Variants in CD33 observed in about 807,000 individuals in gnomAD.
The protein encoded by CD33 is myeloid cell surface antigen CD33.
A neutral mutation model predicts 31.4 loss-of-function variants in CD33; 25 were observed. The observed-to-expected ratio is 0.80, with a 90% CI of 0.58 to 1.11. CD33 has a LOEUF of 1.11. Ranked by LOEUF, CD33 falls within the 50% of genes most tolerant of loss-of-function variation. The pLI, the probability that CD33 is intolerant of heterozygous loss-of-function variation, is 0.00. For synonymous variants in CD33, 176 were observed against 180.6 expected (o/e 0.97, Z 0.20); for missense variants, 407 against 448.1 (o/e 0.91, Z 0.83).
In CD33 at chr19:51,235,590, A is replaced by G; in HGVS notation, c.843-5A>G. ...AGGCTCAAAGACCCTGGTGTCTCCC[A>G]TCAGAGTGAAGACCCACAGGAGGAA... On this transcript the variant is annotated splice_polypyrimidine_tract_variant and splice_region_variant and intron_variant, in intron 5 of 6. Transcript: ENST00000262262. 6.2e-7 allele frequency: 1 copy of G among 1,613,086 alleles called. No individual in the cohort carries two copies. Among genetic ancestry groups the G allele is most frequent in the African/African-American group, 1.3e-5 (1 of 75,004 alleles).
chr19:51,219,439 C>G, the CD33 span, among the ~76,000 whole-genome samples: 1 of 152,134 alleles, frequency 6.6e-6, no homozygotes. Flanking sequence ...TTAGAGTTTT[C>G]TAGATTTAAG....
At chr19:51,221,502 G>A (rs1340093467), upstream of CD33, among the ~76,000 whole-genome samples, 1 of 152,176 alleles carries the variant, frequency 6.6e-6, no homozygotes, top group Non-Finnish European at 1.5e-5. Flanking sequence ...AATATCAAAT[G>A]TTAACAAGGA....
intron 4 of CD33, among the ~76,000 whole-genome samples, chr19:51,233,303 C>T (rs996151814): frequency 1.3e-5 from 2 of 152,220 alleles, no homozygotes; most frequent in African/African-American, 4.8e-5. Context: ...GTTTGGCCAA[C>T]TCAATTGTGT....
At chr19:51,220,275 G>C (rs1031333268), upstream of CD33, among the ~76,000 whole-genome samples, 1 of 152,184 alleles carries the variant, frequency 6.6e-6, no homozygotes, top group African/African-American at 2.4e-5. Context: ...ATTTCCTCCA[G>C]GAAAAGTTCC....
rs749481913 is a variant in CD33 at position 51,225,803 on chromosome 19, A to C, written c.419A>C (p.Asp140Ala). The C allele has an allele frequency of 3.1e-6, 5 of 1,613,004 alleles. No individual in the cohort carries two copies. In the African/African-American group the frequency reaches 4.0e-5, roughly 13 times the overall value. Residue 140 changes from aspartate (D) to alanine (A), a missense_variant and splice_region_variant, in exon 3 of 7, where the codon GAC becomes GCC. Physicochemically the swap from Asp to Ala is moderately radical, Grantham distance 126 (BLOSUM62 -2). Coordinates refer to ENST00000262262, the MANE Select transcript of CD33 (RefSeq NM_001772.4). Reference protein sequence around the residue: ...KSPQLSVHVTDLTHRPKILIP... With the variant: ...KSPQLSVHVTALTHRPKILIP... ...TGCATCCCCTCTTTCTCCTCACTAG[A>C]CTTGACCCACAGGCCCAAAATCCTC...
At chr19:51,236,781 T>A (rs1981834673) in intron 6 of CD33, 1 of 152,280 alleles carries the variant, frequency 6.6e-6, no homozygotes, top group Admixed American at 6.5e-5. Context: ...ATGTCTGAGC[T>A]TCCTCTGAAC....
chr19:51,239,344 T>C (rs944639396), intron 6 of CD33, 174 bp from the exon 7 acceptor site: 1 of 511,540 alleles, frequency 2.0e-6, no homozygotes, highest in South Asian at 3.5e-5. Context: ...CAATACGTGC[T>C]ACATGTGTTA....
upstream of CD33, among the ~76,000 whole-genome samples, chr19:51,222,702 G>A (rs936520725): frequency 3.3e-5 from 5 of 152,136 alleles, no homozygotes; most frequent in Non-Finnish European, 7.4e-5. Flanking sequence ...TAGAAGGTGG[G>A]AAGAAAAGCC....
At chr19:51,235,285 A>T in intron 5 of CD33, 32 bp downstream of exon 5, 1 of 1,582,898 alleles carries the variant, frequency 6.3e-7, no homozygotes, top group Admixed American at 1.7e-5. Context: ...GGCATGGGCC[A>T]GAGGTGAAGA....
At chr19:51,221,784 G>T (rs1469756682), upstream of CD33, among the ~76,000 whole-genome samples, 3 of 152,108 alleles carry the variant, frequency 2.0e-5, no homozygotes, top group South Asian at 2.1e-4. Context: ...CATACAAAAT[G>T]GGGGGTCCAT....
At position 51,225,960 on chromosome 19, in the gene CD33, T is replaced by A; in HGVS notation, c.576T>A (p.Thr192=). 2 of 1,614,060 alleles carry A rather than the reference T, an allele frequency of 1.2e-6. No homozygotes were observed. Among genetic ancestry groups the A allele is most frequent in the Non-Finnish European group, 1.7e-6 (2 of 1,180,002 alleles). The part of the protein sequence containing the change: ...AAPTSLGPRT[T]HSSVLIITPR... The stretch of plus-strand genomic sequence containing the variant: ...CCACCTCCCTGGGCCCCAGGACTAC[T>A]CACTCCTCGGTGCTCATAATCACCC... The change falls in exon 3 of 7, where the codon ACT becomes ACA. Residue 192 remains threonine, a synonymous_variant. Transcript: ENST00000262262.
the CD33 span, chr19:51,211,874 G>A: frequency 2.3e-5 from 32 of 1,392,830 alleles, no homozygotes; most frequent in East Asian, 4.6e-5. Flanking sequence ...CTGTGCCCTC[G>A]GCCTGTGAGC....
intron 4 of CD33, among the ~76,000 whole-genome samples, chr19:51,232,343 A>G (rs1981482647): frequency 6.6e-6 from 1 of 152,194 alleles, no homozygotes; most frequent in Admixed American, 6.5e-5. Context: ...ACAATTCTTT[A>G]CTTGACTTTT....
the CD33 span, chr19:51,211,589 G>A: frequency 6.7e-7 from 1 of 1,501,906 alleles, no homozygotes; most frequent in Non-Finnish European, 8.9e-7. Flanking sequence ...CATGTGACAG[G>A]TGAGGCACAG....
chr19:51,218,719 G>A, the CD33 span, among the ~76,000 whole-genome samples: 2 of 152,102 alleles, frequency 1.3e-5, no homozygotes, highest in Admixed American at 6.5e-5. Flanking sequence ...AGAGATAGGG[G>A]TCCATTGCAT....
the CD33 span, among the ~76,000 whole-genome samples, chr19:51,212,868 T>G: frequency 6.6e-6 from 1 of 152,206 alleles, no homozygotes; most frequent in African/African-American, 2.4e-5. Flanking sequence ...CATAGACTGT[T>G]CTTATCCTCC....
the CD33 span, chr19:51,211,389 G>A: frequency 6.4e-7 from 1 of 1,563,474 alleles, no homozygotes; most frequent in African/African-American, 1.4e-5. Context: ...ACTCTCCAGT[G>A]GCCACAAACA....
intron 6 of CD33, chr19:51,237,017 G>C (rs1160713163): frequency 1.3e-5 from 2 of 152,298 alleles, no homozygotes; most frequent in African/African-American, 4.8e-5. Flanking sequence ...GTCCCCTTCA[G>C]TGCTATGCTC....
chr19:51,223,364 T>G (rs1455711170), upstream of CD33, among the ~76,000 whole-genome samples: 1 of 152,210 alleles, frequency 6.6e-6, no homozygotes, highest in Admixed American at 6.5e-5. Flanking sequence ...TTAGTAAGGA[T>G]GAATGAAGAG....
Sources: gnomAD v4.1 joint callset for allele counts (sites outside exome capture counted in the v4.1 genomes callset) on GRCh38, gnomAD v4.1.1 for gene constraint, MANE v1.5 for transcripts, NCBI Gene and HGNC (gene_info 2026-07-23, HGNC 2026-07-21) for gene names.